CORO2B: variants seen among roughly 807,000 people sequenced by gnomAD.
CORO2B encodes the protein coronin 2B, also known as coronin-2B.
In CORO2B, 26 loss-of-function variants were observed where a neutral mutation model predicts 58.8. The ratio of observed to expected loss-of-function variants is 0.44; its 90% confidence interval spans 0.32 to 0.61. The LOEUF is 0.61. Ranked by LOEUF, CORO2B falls within the 20% of genes least tolerant of loss-of-function variation. CORO2B has a pLI of 0.04. For synonymous variants in CORO2B, 242 were observed against 253.8 expected (o/e 0.95, Z 0.44); for missense variants, 460 against 645.1 (o/e 0.71, Z 3.11).
chr15:68,576,150 C>T (rs558879059), upstream of CORO2B, among the ~76,000 whole-genome samples: 4 of 5,314 alleles, frequency 7.5e-4, no homozygotes, highest in African/African-American at 2.0e-3. Flanking sequence ...GAGACTACGT[C>T]GCAAAAAAAA....
chr15:68,628,732 CAG>C (rs1009043091), intron 1 of CORO2B, among the ~76,000 whole-genome samples: 2 of 152,182 alleles, frequency 1.3e-5, no homozygotes, highest in Non-Finnish European at 2.9e-5. Context: ...TTGCTCATGA[CAG>C]AGCAATAGAG....
chr15:68,677,592 G>A (rs975177199), intron 2 of CORO2B, among the ~76,000 whole-genome samples: 4 of 152,202 alleles, frequency 2.6e-5, no homozygotes, highest in African/African-American at 9.7e-5. Context: ...AGAGGCAAAG[G>A]TTACTTGGGA....
At chr15:68,636,472 G>T (rs1052267355) in intron 1 of CORO2B, among the ~76,000 whole-genome samples, 1 of 152,160 alleles carries the variant, frequency 6.6e-6, no homozygotes, top group Non-Finnish European at 1.5e-5. Context: ...TTGAGAAGGC[G>T]CCATCCCAGC....
At chr15:68,531,498 A>C in the CORO2B span, among the ~76,000 whole-genome samples, 1 of 140,534 alleles carries the variant, frequency 7.1e-6, no homozygotes, top group Non-Finnish European at 1.5e-5. Context: ...CTGTATCTCA[A>C]AAAAGGAAGG....
chr15:68,549,981 T>TAAATAAATAAATAAAG, the CORO2B span, among the ~76,000 whole-genome samples: 3 of 151,458 alleles, frequency 2.0e-5, no homozygotes, highest in Admixed American at 1.3e-4. Context: ...AATAAATAAA[T>TAAATAAATAAATAAAG]AAAGTTGCTG....
At chr15:68,618,450 G>T (rs1900427304) in intron 1 of CORO2B, among the ~76,000 whole-genome samples, 1 of 152,206 alleles carries the variant, frequency 6.6e-6, no homozygotes, top group Admixed American at 6.5e-5. Context: ...GTCCAGATGT[G>T]TGAAAAGATT....
chr15:68,671,872 C>T (rs1289469318), intron 2 of CORO2B, among the ~76,000 whole-genome samples: 1 of 152,188 alleles, frequency 6.6e-6, no homozygotes, highest in Admixed American at 6.5e-5. Flanking sequence ...TGGGAGGGGA[C>T]TACACAAGGC....
At chr15:68,555,080 T>C in the CORO2B span, among the ~76,000 whole-genome samples, 1 of 152,088 alleles carries the variant, frequency 6.6e-6, no homozygotes, top group Non-Finnish European at 1.5e-5. Context: ...GGCCAACATG[T>C]AGCTCACTCT....
At chr15:68,588,013 T>C (rs919765752) in intron 1 of CORO2B, among the ~76,000 whole-genome samples, 2 of 152,214 alleles carry the variant, frequency 1.3e-5, no homozygotes, top group Non-Finnish European at 2.9e-5. Context: ...TGAGCGTCTG[T>C]GAAAATGAAG....
At chr15:68,546,692 T>C in the CORO2B span, among the ~76,000 whole-genome samples, 12 of 152,224 alleles carry the variant, frequency 7.9e-5, no homozygotes, top group Admixed American at 7.8e-4. Flanking sequence ...AGTGAATGAA[T>C]AAATGAATGA....
At chr15:68,618,713 G>A (rs1031912556) in intron 1 of CORO2B, among the ~76,000 whole-genome samples, 11 of 152,226 alleles carry the variant, frequency 7.2e-5, no homozygotes, top group Admixed American at 2.6e-4. Context: ...ATGGGACTCA[G>A]AGAAGTTATG....
chr15:68,653,152 C>T (rs188629512), intron 2 of CORO2B, among the ~76,000 whole-genome samples: 223 of 152,212 alleles, frequency 1.5e-3, no homozygotes, highest in African/African-American at 4.9e-3. Context: ...CCTGGAGCAG[C>T]GGTCCAGACA....
chr15:68,557,526 A>G, the CORO2B span, among the ~76,000 whole-genome samples: 145 of 152,354 alleles, frequency 9.5e-4, 1 homozygote, highest in African/African-American at 3.3e-3. Context: ...ATCCAAGGTC[A>G]TACATCTGGA....
At chr15:68,641,865 A>G (rs1866686) in intron 1 of CORO2B, among the ~76,000 whole-genome samples, 2,551 of 152,062 alleles carry the variant, frequency 0.017, 76 homozygotes, top group African/African-American at 0.059. Flanking sequence ...CTGAGACTAT[A>G]GGTGTGTACC....
intron 3 of CORO2B, among the ~76,000 whole-genome samples, chr15:68,704,039 T>TACACACACAC (rs10566834): frequency 1.6e-5 from 2 of 128,156 alleles, no homozygotes; most frequent in African/African-American, 5.6e-5. Context: ...TACACACACA[T>TACACACACAC]ACACACACAC....
At chr15:68,560,945 C>T in the CORO2B span, among the ~76,000 whole-genome samples, 14 of 152,254 alleles carry the variant, frequency 9.2e-5, no homozygotes, top group South Asian at 2.7e-3. Context: ...ATGGCACAGC[C>T]CGGGTAATTT....
At chr15:68,683,339 C>T (rs935083089) in intron 2 of CORO2B, among the ~76,000 whole-genome samples, 2 of 152,266 alleles carry the variant, frequency 1.3e-5, no homozygotes, top group East Asian at 1.9e-4. Flanking sequence ...TGGTCCAGAC[C>T]CCGCGTCCCC....
the CORO2B span, among the ~76,000 whole-genome samples, chr15:68,530,221 A>C: frequency 2.4e-4 from 36 of 152,314 alleles, no homozygotes; most frequent in East Asian, 6.4e-3. Flanking sequence ...GCTACGCGGG[A>C]GGCTGAGGCA....
chr15:68,524,449 T>C, the CORO2B span, among the ~76,000 whole-genome samples: 1 of 152,232 alleles, frequency 6.6e-6, no homozygotes, highest in Non-Finnish European at 1.5e-5. Flanking sequence ...CACTTTTTGC[T>C]GAGATAAGAT....
Sources: allele counts gnomAD v4.1 joint callset (sites outside exome capture counted in the v4.1 genomes callset), GRCh38; gene constraint gnomAD v4.1.1; transcripts MANE v1.5; gene names NCBI Gene and HGNC (gene_info 2026-07-23, HGNC 2026-07-21).